Variants in ROBO2 observed in about 807,000 individuals in gnomAD.
ROBO2 encodes the protein roundabout guidance receptor 2, also known as roundabout homolog 2.
In ROBO2, 53 loss-of-function variants were observed where a neutral mutation model predicts 160.8. That is an observed-to-expected ratio of 0.33 (90% confidence interval 0.26 to 0.41). The LOEUF is 0.41. Ranked by LOEUF, ROBO2 falls within the 10% of genes least tolerant of loss-of-function variation. ROBO2 has a pLI of 1.00. For missense variants in ROBO2, 1,577 were observed against 1,722.4 expected (o/e 0.92, Z 1.49); for synonymous variants, 664 against 611.7 (o/e 1.09, Z -1.26).
At chr3:76,000,368 C>A (rs1298778488) in intron 2 of ROBO2, among the ~76,000 whole-genome samples, 1 of 152,094 alleles carries the variant, frequency 6.6e-6, no homozygotes, top group Admixed American at 6.6e-5. Context: ...TAGAGTTCTT[C>A]ATAGTTTCAT....
chr3:77,176,034 G>C (rs2080117502), intron 2 of ROBO2, among the ~76,000 whole-genome samples: 1 of 151,948 alleles, frequency 6.6e-6, no homozygotes, highest in African/African-American at 2.4e-5. Flanking sequence ...TGAAAAATTA[G>C]TCTGTGGTAG....
chr3:76,628,941 T>C (rs1446957399), intron 2 of ROBO2, among the ~76,000 whole-genome samples: 1 of 150,730 alleles, frequency 6.6e-6, no homozygotes, highest in Non-Finnish European at 1.5e-5. Context: ...CTAGAAGTTG[T>C]ACGTTGGTAC....
At chr3:76,934,210 GA>G (rs10687758) in intron 2 of ROBO2, among the ~76,000 whole-genome samples, 6,175 of 142,576 alleles carry the variant, frequency 0.043, 413 homozygotes, top group African/African-American at 0.15. Flanking sequence ...ATCGAAAATA[GA>G]AAAAAAAAAA....
At chr3:76,338,192 C>T (rs1052212732) in intron 2 of ROBO2, among the ~76,000 whole-genome samples, 4 of 152,184 alleles carry the variant, frequency 2.6e-5, no homozygotes, top group Non-Finnish European at 5.9e-5. Context: ...CCCAACTTTA[C>T]ATACCCACTG....
At chr3:76,292,947 G>A (rs1420140331) in intron 2 of ROBO2, among the ~76,000 whole-genome samples, 1 of 149,542 alleles carries the variant, frequency 6.7e-6, no homozygotes, top group Non-Finnish European at 1.5e-5. Context: ...AATGTCAAAT[G>A]TCAGAAAGTA....
intron 2 of ROBO2, among the ~76,000 whole-genome samples, chr3:77,230,374 A>T (rs1336527884): frequency 2.0e-5 from 3 of 152,146 alleles, no homozygotes; most frequent in African/African-American, 4.8e-5. Context: ...GTGAGCCACC[A>T]CACCTGGCTT....
chr3:77,119,118 C>T (rs889745018), intron 2 of ROBO2, among the ~76,000 whole-genome samples: 2 of 152,150 alleles, frequency 1.3e-5, no homozygotes, highest in African/African-American at 2.4e-5. Flanking sequence ...TCTCTCTTCT[C>T]CTGCCACCTT....
chr3:76,065,194 A>C (rs1369457222), intron 2 of ROBO2, among the ~76,000 whole-genome samples: 1 of 152,048 alleles, frequency 6.6e-6, no homozygotes, highest in African/African-American at 2.4e-5. Flanking sequence ...CCGTTGTCAG[A>C]GTTAACTAGA....
At chr3:77,415,985 G>A (rs1207962456) in intron 2 of ROBO2, among the ~76,000 whole-genome samples, 1 of 152,182 alleles carries the variant, frequency 6.6e-6, no homozygotes, top group African/African-American at 2.4e-5. Context: ...ATGAGAGGGA[G>A]GGTTACAGTG....
At chr3:75,979,477 G>A (rs1276743726) in intron 2 of ROBO2, among the ~76,000 whole-genome samples, 1 of 151,436 alleles carries the variant, frequency 6.6e-6, no homozygotes, top group African/African-American at 2.4e-5. Context: ...AGTTTATCTA[G>A]TAAGTGATTA....
intron 2 of ROBO2, chr3:77,317,419 A>G (rs2064120018): frequency 1.1e-5 from 16 of 1,436,770 alleles, no homozygotes; most frequent in East Asian, 4.7e-5. Flanking sequence ...TAGTCAGTCC[A>G]TCGGTACCTG....
chr3:76,130,860 T>C (rs2071196921), intron 2 of ROBO2, among the ~76,000 whole-genome samples: 2 of 152,170 alleles, frequency 1.3e-5, no homozygotes, highest in South Asian at 4.1e-4. Flanking sequence ...TTTTCAATAT[T>C]AATGATGAAT....
intron 2 of ROBO2, among the ~76,000 whole-genome samples, chr3:76,374,697 T>C (rs1208163008): frequency 6.6e-6 from 1 of 152,048 alleles, no homozygotes; most frequent in African/African-American, 2.4e-5. Context: ...CTAGACAGAA[T>C]TGAAAATTTA....
chr3:77,625,383 C>CT, intron 23 of ROBO2, among the ~76,000 whole-genome samples: 2 of 151,352 alleles, frequency 1.3e-5, no homozygotes, highest in South Asian at 4.2e-4. Flanking sequence ...TTCTTTCTTT[C>CT]TTCTTTTTTT....
rs193063060 is a variant in ROBO2, at chr3:76,417,509, C to T, written c.109+479907C>T. Among the ~76,000 whole-genome samples the T allele has an allele frequency of 2.4e-3, 361 of 152,210 alleles. 1 individual carries two copies. The highest frequency in any genetic ancestry group is 8.2e-3 in the African/African-American group (342 of 41,524). ...CTTTTATTCTGGTCCATTATGCTTT[C>T]TCCTTCATAAGGAGTTTAGCTAGTT... On this transcript the variant is annotated intron_variant, in intron 2 of 26. Transcript: ENST00000487694.
At chr3:76,533,946 C>T (rs532692299) in intron 2 of ROBO2, among the ~76,000 whole-genome samples, 13 of 152,128 alleles carry the variant, frequency 8.5e-5, no homozygotes, top group South Asian at 6.2e-4. Flanking sequence ...TGTGGTTTTT[C>T]GGCTGCTGCA....
intron 2 of ROBO2, among the ~76,000 whole-genome samples, chr3:77,220,939 A>T (rs531480517): frequency 6.6e-6 from 1 of 152,364 alleles, no homozygotes; most frequent in African/African-American, 2.4e-5. Flanking sequence ...ATAAAAAAAT[A>T]GAGGAAATAG....
chr3:77,334,656 T>C (rs1206916865), intron 2 of ROBO2, among the ~76,000 whole-genome samples: 1 of 152,160 alleles, frequency 6.6e-6, no homozygotes, highest in East Asian at 1.9e-4. Flanking sequence ...AGGCAATAGC[T>C]CTCTAGTAGT....
At chr3:77,127,525 C>T (rs1209151416) in intron 2 of ROBO2, among the ~76,000 whole-genome samples, 1 of 151,938 alleles carries the variant, frequency 6.6e-6, no homozygotes, top group East Asian at 1.9e-4. Context: ...GACTATTTAC[C>T]AACTTGAAAG....
Sources: gnomAD v4.1 joint callset for allele counts (sites outside exome capture counted in the v4.1 genomes callset) on GRCh38, gnomAD v4.1.1 for gene constraint, MANE v1.5 for transcripts, NCBI Gene and HGNC (gene_info 2026-07-23, HGNC 2026-07-21) for gene names.